ZNF536: variants seen among roughly 807,000 people sequenced by gnomAD.
ZNF536 encodes the protein zinc finger protein 536.
Under a neutral mutation model 84.5 loss-of-function variants are expected in ZNF536, and 13 were observed. The observed-to-expected ratio is 0.15, with a 90% confidence interval of 0.10 to 0.24. The LOEUF is 0.24. Ranked by LOEUF, ZNF536 falls within the 10% of genes least tolerant of loss-of-function variation. ZNF536 has a pLI of 1.00. For missense variants in ZNF536, 1,536 were observed against 1,747.5 expected (o/e 0.88, Z 2.16); for synonymous variants, 811 against 742.5 (o/e 1.09, Z -1.50).
At chr19:30,334,240 G>A (rs1417024002) in intron 2 of ZNF536, among the ~76,000 whole-genome samples, 8 of 152,204 alleles carry the variant, frequency 5.3e-5, no homozygotes, top group Admixed American at 2.0e-4. Context: ...TTGAATGTTG[G>A]TAATGGCCTC....
At chr19:30,584,043 C>T (rs2047012168) in intron 1 of ZNF536, among the ~76,000 whole-genome samples, 1 of 152,150 alleles carries the variant, frequency 6.6e-6, no homozygotes. Flanking sequence ...ACAGTCAGCC[C>T]TGGCCAACCA....
intron 1 of ZNF536, among the ~76,000 whole-genome samples, chr19:30,609,047 A>G (rs1358192756): frequency 2.0e-5 from 3 of 152,186 alleles, no homozygotes. Flanking sequence ...CTGCTTGCTG[A>G]ATTCGATGGA....
intron 2 of ZNF536, among the ~76,000 whole-genome samples, chr19:30,470,122 T>C (rs1256306588): frequency 6.6e-6 from 1 of 152,244 alleles, no homozygotes; most frequent in African/African-American, 2.4e-5. Context: ...GGCTGTGCGA[T>C]TCCAGGGGGA....
At chr19:30,692,293 T>C (rs1341883923) in intron 1 of ZNF536, among the ~76,000 whole-genome samples, 2 of 152,222 alleles carry the variant, frequency 1.3e-5, no homozygotes, top group Non-Finnish European at 2.9e-5. Flanking sequence ...TAATAATATA[T>C]GAGCAAATCA....
At chr19:30,251,088 C>T (rs1038815142) in intron 1 of ZNF536, among the ~76,000 whole-genome samples, 1 of 152,078 alleles carries the variant, frequency 6.6e-6, no homozygotes, top group African/African-American at 2.4e-5. Context: ...CAGTCAGCAA[C>T]ACCAAGGATA....
intron 1 of ZNF536, among the ~76,000 whole-genome samples, chr19:30,421,455 A>G (rs1179243722): frequency 1.3e-5 from 2 of 152,098 alleles, no homozygotes; most frequent in Non-Finnish European, 2.9e-5. Flanking sequence ...TGGCACAATC[A>G]GAGCTCACTG....
chr19:30,339,484 G>A (rs2047494534), intron 2 of ZNF536, among the ~76,000 whole-genome samples: 1 of 152,220 alleles, frequency 6.6e-6, no homozygotes, highest in Admixed American at 6.5e-5. Flanking sequence ...GTGAGCAAGT[G>A]AGCAAGAGTG....
intron 2 of ZNF536, among the ~76,000 whole-genome samples, chr19:30,515,976 G>C (rs1160366341): frequency 7.1e-6 from 1 of 140,640 alleles, no homozygotes; most frequent in African/African-American, 2.7e-5. Context: ...GTAGTGAGCC[G>C]AGTTCATGCC....
At chr19:30,280,387 T>C (rs1378773595) in intron 1 of ZNF536, among the ~76,000 whole-genome samples, 1 of 152,186 alleles carries the variant, frequency 6.6e-6, no homozygotes, top group Non-Finnish European at 1.5e-5. Flanking sequence ...TCCATCCTTC[T>C]GTCTTAACTT....
chr19:30,574,058 A>G (rs751612852), intron 1 of ZNF536, among the ~76,000 whole-genome samples: 1 of 152,142 alleles, frequency 6.6e-6, no homozygotes, highest in Non-Finnish European at 1.5e-5. Context: ...TGGCTGTTAT[A>G]TTGTTTGCAT....
chr19:30,446,850 A>G (rs1311616038), intron 2 of ZNF536, among the ~76,000 whole-genome samples: 1 of 123,254 alleles, frequency 8.1e-6, no homozygotes. Context: ...AAAACACGCT[A>G]GCCTCAGACG....
At chr19:30,669,836 G>A (rs2147707007) in intron 1 of ZNF536, among the ~76,000 whole-genome samples, 1 of 152,356 alleles carries the variant, frequency 6.6e-6, no homozygotes, top group East Asian at 1.9e-4. Context: ...TTTGTTCAAT[G>A]ACGTATTCAT....
At chr19:30,418,187 C>T (rs1208628616) in intron 1 of ZNF536, among the ~76,000 whole-genome samples, 1 of 151,594 alleles carries the variant, frequency 6.6e-6, no homozygotes, top group Admixed American at 6.6e-5. Flanking sequence ...AGATTTGTTC[C>T]CTGGCCTATT....
chr19:30,398,716 A>G (rs1749366648), intron 1 of ZNF536, among the ~76,000 whole-genome samples: 1 of 151,898 alleles, frequency 6.6e-6, no homozygotes. Context: ...AAAGGACATG[A>G]TCATCCATGT....
At chr19:30,602,078 C>T (rs929285105) in intron 1 of ZNF536, among the ~76,000 whole-genome samples, 2 of 152,206 alleles carry the variant, frequency 1.3e-5, no homozygotes, top group Non-Finnish European at 2.9e-5. Context: ...CTTCAGTCCA[C>T]CCATTAGCGT....
intron 2 of ZNF536, among the ~76,000 whole-genome samples, chr19:30,496,478 T>C (rs2054723687): frequency 6.6e-6 from 1 of 152,198 alleles, no homozygotes; most frequent in Non-Finnish European, 1.5e-5. Flanking sequence ...TTGTTTGTCC[T>C]GTCCCATGCC....
chr19:30,441,733 C>T (rs571447490), intron 1 of ZNF536, among the ~76,000 whole-genome samples: 10 of 152,348 alleles, frequency 6.6e-5, no homozygotes, highest in Admixed American at 1.3e-4. Flanking sequence ...TGCACCTTTA[C>T]GCTTTGCACA....
chr19:30,558,897 C>G (rs766877895), downstream of ZNF536, among the ~76,000 whole-genome samples: 1 of 152,146 alleles, frequency 6.6e-6, no homozygotes, highest in Non-Finnish European at 1.5e-5. Flanking sequence ...TTCTTCACAA[C>G]CCCAAATAAA....
chr19:30,455,665 C>A (rs1263987324), intron 2 of ZNF536, among the ~76,000 whole-genome samples: 1 of 152,156 alleles, frequency 6.6e-6, no homozygotes, highest in Non-Finnish European at 1.5e-5. Flanking sequence ...TGTGTCACTG[C>A]ACTCCAGCCT....
Sources: allele counts gnomAD v4.1 joint callset (sites outside exome capture counted in the v4.1 genomes callset), GRCh38; gene constraint gnomAD v4.1.1; transcripts MANE v1.5; gene names NCBI Gene and HGNC (gene_info 2026-07-23, HGNC 2026-07-21).